PLS3: variants seen among roughly 807,000 people sequenced by gnomAD.
The protein encoded by PLS3 is plastin-3.
Under a neutral mutation model 46.5 loss-of-function variants are expected in PLS3, and 11 were observed. The observed-to-expected ratio is 0.24, with a 90% confidence interval of 0.15 to 0.39. PLS3 has a LOEUF of 0.39. PLS3 is among the 10% of genes least tolerant of loss of function. The pLI, the probability that PLS3 is intolerant of heterozygous loss-of-function variation, is 1.00. For missense variants in PLS3, 308 were observed against 461.8 expected (o/e 0.67, Z 3.05); for synonymous variants, 167 against 162.2 (o/e 1.03, Z -0.22).
chrX:115,648,701 T>C (rs190913566), intron 15 of PLS3, among the ~76,000 whole-genome samples: 2 of 111,865 alleles, frequency 1.8e-5, no homozygotes. Context: ...GTTAGGCACA[T>C]TATTTCTTTT....
In PLS3 at chrX:115,572,561, T is replaced by TA. The variant is rs113310619; in HGVS notation, c.-9+11301_-9+11302insA. 5.6e-3 allele frequency among the ~76,000 whole-genome samples: 619 copies of TA among 111,199 alleles called. 2 individuals are homozygous for TA. The highest frequency in any genetic ancestry group is 0.019 in the African/African-American group (576 of 30,668). On this transcript the variant is annotated intron_variant, in intron 1 of 15. Coordinates refer to ENST00000355899, the MANE Select transcript of PLS3 (RefSeq NM_005032.7). ...CGTGCCCAAAGTTCTTAAGTATATATTAAGATGGTACAAACTACAGATGAA... is the reference window on the plus strand; with the variant it reads ...CGTGCCCAAAGTTCTTAAGTATATATATAAGATGGTACAAACTACAGATGAA...
intron 10 of PLS3, among the ~76,000 whole-genome samples, chrX:115,644,771 A>G (rs975721313): frequency 1.8e-5 from 2 of 111,370 alleles, no homozygotes; most frequent in African/African-American, 6.5e-5. Context: ...TAAAAAGTTC[A>G]TAAACCTCTA....
intron 2 of PLS3, among the ~76,000 whole-genome samples, chrX:115,621,401 A>G (rs144900521): frequency 0.015 from 1,729 of 112,361 alleles, 55 homozygotes; most frequent in Admixed American, 0.094. Flanking sequence ...AAGTTTACAT[A>G]TGAAAATCAG....
chrX:115,563,916 C>T (rs1280569254), intron 1 of PLS3, among the ~76,000 whole-genome samples: 2 of 111,507 alleles, frequency 1.8e-5, no homozygotes, highest in Non-Finnish European at 3.8e-5. Flanking sequence ...TGTTTAACCT[C>T]AAAAAAAGGA....
At chrX:115,648,878 G>A (rs1556642100) in intron 15 of PLS3, among the ~76,000 whole-genome samples, 1 of 111,595 alleles carries the variant, frequency 9.0e-6, no homozygotes, top group East Asian at 2.8e-4. Flanking sequence ...ATGTGTTCCT[G>A]AAAATTTCCC....
intron 3 of PLS3, among the ~76,000 whole-genome samples, chrX:115,624,178 A>G (rs1338430717): frequency 2.9e-5 from 3 of 103,342 alleles, no homozygotes; most frequent in Admixed American, 1.0e-4. Flanking sequence ...GCAGTGAGCC[A>G]AGATTGTGCC....
intron 2 of PLS3, among the ~76,000 whole-genome samples, chrX:115,617,256 C>G (rs2074606732): frequency 8.9e-6 from 1 of 111,827 alleles, no homozygotes; most frequent in Non-Finnish European, 1.9e-5. Context: ...GACCAGAGAG[C>G]TATCACTGGT....
chrX:115,599,822 G>A (rs2074425793), intron 1 of PLS3, among the ~76,000 whole-genome samples: 1 of 108,993 alleles, frequency 9.2e-6, no homozygotes, highest in Admixed American at 9.9e-5. Flanking sequence ...TAGTAGAGAC[G>A]GGGCTTCACC....
chrX:115,645,097 T>C lies in PLS3; in HGVS notation c.1260T>C (p.Tyr420=), dbSNP rs896392434. The C allele has an allele frequency of 3.6e-6, 4 of 1,118,396 alleles. No homozygotes were observed. The South Asian group carries it at 7.4e-5, about 21-fold the overall frequency. The allele number at this position is 1,118,396 out of a possible 1,213,427, so 92.2% of individuals were successfully genotyped here. A position where few individuals can be genotyped will look rare whatever the true frequency, so the allele number is the denominator to read the frequency against. The change falls in exon 11 of 16, where the codon TAT becomes TAC. Residue 420 remains tyrosine (Y), a splice_region_variant and synonymous_variant. Transcript: ENST00000355899. The part of the protein sequence containing the change: ...LGVNPHVNHL[Y]ADLQDALVIL... ...TCAATCCTCACGTAAACCATCTCTA[T>C]GCGTAAGCCTTCCTACTGCTATTGT...
chrX:115,649,850 C>CTGTA lies in PLS3; in HGVS notation c.*293_*296dup, dbSNP rs782208156. On this transcript the variant is annotated 3_prime_UTR_variant, in exon 16 of 16. Transcript: ENST00000355899. ...ATGCTGCCCTTGACATTTCCCATTGCTGTATGTTATTTCTTGCTCTGTTAT... is the reference window on the plus strand; with the variant it reads ...ATGCTGCCCTTGACATTTCCCATTGCTGTATGTATGTTATTTCTTGCTCTGTTAT... 257 of 189,535 alleles carry CTGTA rather than the reference C, an allele frequency of 1.4e-3. 1 individual carries two copies. Among genetic ancestry groups the CTGTA allele is most frequent in the Middle Eastern group, 3.6e-3 (2 of 554 alleles). 15.6% of individuals were successfully genotyped at this position (189,535 alleles called of 1,213,427 possible).
intron 8 of PLS3, 137 bp from the exon 9 acceptor site, chrX:115,640,271 C>T (rs1181363784): frequency 4.8e-6 from 3 of 628,998 alleles, no homozygotes; most frequent in Non-Finnish European, 7.6e-6. Context: ...GGGGAAAACA[C>T]CTGTTAAATT....
At chrX:115,624,662 G>A (rs1306063735) in intron 3 of PLS3, among the ~76,000 whole-genome samples, 4 of 112,177 alleles carry the variant, frequency 3.6e-5, no homozygotes, top group African/African-American at 1.3e-4. Flanking sequence ...TGTAGATTTT[G>A]AAATGTAGTT....
Position 115,643,387 on chromosome X carries a change from C to T in PLS3, c.1062C>T (p.Thr354=). 8.4e-7 allele frequency: 1 copy of T among 1,189,151 alleles called. No homozygotes were observed. Among genetic ancestry groups the T allele is most frequent in the African/African-American group, 1.7e-5 (1 of 57,162 alleles). ...AATTAGGTTGCAGACAGTTTGTTAC[C>T]CCTGCTGATGTTGTCAGTGGAAACC... ...ADKLGCRQFV[T]PADVVSGNPK... The change falls in exon 10 of 16, where the codon ACC becomes ACT. Residue 354 remains threonine, a synonymous_variant. Transcript: ENST00000355899.
At chrX:115,644,421 A>AC (rs2074929851) in intron 10 of PLS3, among the ~76,000 whole-genome samples, 1 of 109,360 alleles carries the variant, frequency 9.1e-6, no homozygotes, top group Non-Finnish European at 1.9e-5. Context: ...ACATGGTGAA[A>AC]CCCCGTTTCC....
At chrX:115,594,030 C>G (rs1349744107) in intron 1 of PLS3, among the ~76,000 whole-genome samples, 1 of 110,838 alleles carries the variant, frequency 9.0e-6, no homozygotes, top group African/African-American at 3.3e-5. Flanking sequence ...GCTTTTGATC[C>G]CAGTTACATG....
rs1192481329 is a variant in PLS3, at chrX:115,583,044, AAAAAG to A, written c.-9+21799_-9+21803del. ...GACAGAGGGAGACTCTGTCTTTAAA[AAAAAG>A]AAAAGAAAAGAAAAAGCTAATAAAA... On this transcript the variant is annotated intron_variant, in intron 1 of 15. Transcript: ENST00000355899. Among the ~76,000 whole-genome samples the A allele has an allele frequency of 2.5e-4, 28 of 112,260 alleles. 1 individual carries two copies. Among genetic ancestry groups the A allele is most frequent in the African/African-American group, 8.1e-4 (25 of 30,902 alleles).
intron 1 of PLS3, among the ~76,000 whole-genome samples, chrX:115,606,165 C>CTTTTTTTTTCT (rs2074491064): frequency 3.3e-5 from 1 of 30,285 alleles, no homozygotes; most frequent in Non-Finnish European, 5.1e-5. Flanking sequence ...CTTTTCTTTT[C>CTTTTTTTTTCT]TTTTTTTTTT....
intron 2 of PLS3, among the ~76,000 whole-genome samples, chrX:115,617,811 T>C (rs920390720): frequency 5.3e-5 from 6 of 112,447 alleles, no homozygotes; most frequent in African/African-American, 1.9e-4. Flanking sequence ...GGTGGCTACT[T>C]CCTGGCATCT....
chrX:115,583,477 G>A (rs1024767250), intron 1 of PLS3, among the ~76,000 whole-genome samples: 37 of 112,676 alleles, frequency 3.3e-4, no homozygotes, highest in Middle Eastern at 4.6e-3. Context: ...ATTAAACAGC[G>A]AGTCAACTAT....
Sources: gnomAD v4.1 joint callset for allele counts (sites outside exome capture counted in the v4.1 genomes callset) on GRCh38, gnomAD v4.1.1 for gene constraint, MANE v1.5 for transcripts, NCBI Gene and HGNC (gene_info 2026-07-23, HGNC 2026-07-21) for gene names.